Variants in EPS15 observed in about 807,000 individuals in gnomAD.
The protein encoded by EPS15 is epidermal growth factor receptor pathway substrate 15, also known as epidermal growth factor receptor substrate 15.
A neutral mutation model predicts 113.8 loss-of-function variants in EPS15; 72 were observed. That is an observed-to-expected ratio of 0.63 (90% confidence interval 0.52 to 0.77). The LOEUF (loss-of-function observed/expected upper bound fraction) is 0.77, where lower values mean the gene tolerates loss of function less well. Ranked by LOEUF, EPS15 falls within the 30% of genes least tolerant of loss-of-function variation. The pLI is 0.00. For missense variants in EPS15, 1,048 were observed against 1,045.8 expected, an observed-to-expected ratio of 1.00 and a Z score of -0.03; for synonymous variants, 344 against 363.4, an observed-to-expected ratio of 0.95 and a Z score of 0.61.
rs115809050 is a variant in EPS15, at chr1:51,444,990, C to T, written c.853G>A (p.Ala285Thr). ...GKLSKDQFAL[A>T]FHLISQKLIK... ...AACTTCTGACTGATTAAGTGAAAAGCCAAGGCAAACTGATCCTTTGAAAGC... is the reference window on the plus strand; with the variant it reads ...AACTTCTGACTGATTAAGTGAAAAGTCAAGGCAAACTGATCCTTTGAAAGC... The change falls in exon 11 of 25, where the codon GCT becomes ACT. Residue 285 changes from alanine to threonine, a missense_variant. By Grantham distance (58) the Ala-to-Thr change is moderately conservative. Coordinates refer to ENST00000371733, the MANE Select transcript of EPS15 (RefSeq NM_001981.3). 3.6e-4 allele frequency: 582 copies of T among 1,613,920 alleles called. 1 individual carries two copies. The highest frequency in any genetic ancestry group is 3.0e-4 in the Non-Finnish European group (351 of 1,179,874).
At position 51,429,116 on chromosome 1, in the gene EPS15, C is replaced by G. The variant is rs1341241; in HGVS notation, c.1041-7258G>C. On this transcript the variant is annotated intron_variant, in intron 12 of 24. Transcript: ENST00000371733. ...GTTGCCCTGACCTCAAGCAATCCTCCCATCTTGGCTTCCATATTCCTGGGA... is the reference window on the plus strand; with the variant it reads ...GTTGCCCTGACCTCAAGCAATCCTCGCATCTTGGCTTCCATATTCCTGGGA... Among the ~76,000 whole-genome samples the G allele has an allele frequency of 1.1e-3, 165 of 152,230 alleles. 1 individual carries two copies. In the South Asian group the frequency reaches 0.033, roughly 30 times the overall value.
At chr1:51,369,130 A>T (rs1168935241) in intron 21 of EPS15, among the ~76,000 whole-genome samples, 1 of 152,212 alleles carries the variant, frequency 6.6e-6, no homozygotes, top group African/African-American at 2.4e-5. Flanking sequence ...TTGTGAACAA[A>T]ATTAATTTTA....
chr1:51,369,486 A>C (rs543531435), intron 21 of EPS15, among the ~76,000 whole-genome samples: 1 of 152,362 alleles, frequency 6.6e-6, no homozygotes, highest in East Asian at 1.9e-4. Context: ...TTATGACCTC[A>C]TTAGTACCGC....
chr1:51,510,294 T>C (rs184645968), intron 1 of EPS15, among the ~76,000 whole-genome samples: 1 of 152,188 alleles, frequency 6.6e-6, no homozygotes, highest in Non-Finnish European at 1.5e-5. Context: ...AAAATTTGAC[T>C]GAAATATCAT....
intron 21 of EPS15, among the ~76,000 whole-genome samples, chr1:51,384,230 T>A (rs1171177403): frequency 6.6e-6 from 1 of 151,700 alleles, no homozygotes; most frequent in African/African-American, 2.4e-5. Flanking sequence ...GAAAAATTCA[T>A]CCTAAAATTC....
chr1:51,437,443 C>T (rs1652238528), intron 12 of EPS15, among the ~76,000 whole-genome samples: 1 of 151,054 alleles, frequency 6.6e-6, no homozygotes, highest in Admixed American at 6.6e-5. Flanking sequence ...AATTTCACAT[C>T]ATACATGCTG....
At chr1:51,403,187 GCCA>G (rs1648751682) in intron 17 of EPS15, among the ~76,000 whole-genome samples, 1 of 152,066 alleles carries the variant, frequency 6.6e-6, no homozygotes, top group Admixed American at 6.6e-5. Flanking sequence ...ACAGGCACTT[GCCA>G]CCACATCCAG....
intron 17 of EPS15, among the ~76,000 whole-genome samples, chr1:51,403,102 T>C (rs1243196880): frequency 2.0e-5 from 3 of 152,168 alleles, no homozygotes; most frequent in Non-Finnish European, 4.4e-5. Flanking sequence ...AGAGATTAGG[T>C]CCCTCTATGT....
intron 1 of EPS15, among the ~76,000 whole-genome samples, chr1:51,493,057 C>G (rs1007974400): frequency 1.2e-4 from 18 of 150,402 alleles, no homozygotes; most frequent in African/African-American, 4.2e-4. Flanking sequence ...GAAACCCCGT[C>G]TCTACTAAAA....
chr1:51,480,687 AT>A (rs1557510837), intron 2 of EPS15, among the ~76,000 whole-genome samples: 1 of 151,988 alleles, frequency 6.6e-6, no homozygotes, highest in Non-Finnish European at 1.5e-5. Flanking sequence ...CTAATTTTGT[AT>A]TTTAGTAGAG....
intron 21 of EPS15, among the ~76,000 whole-genome samples, chr1:51,378,415 A>AG: frequency 6.6e-6 from 1 of 152,198 alleles, no homozygotes; most frequent in East Asian, 1.9e-4. Flanking sequence ...CTAGCACTTT[A>AG]GGAGACTGAG....
chr1:51,470,864 T>C (rs1284161290), intron 4 of EPS15, among the ~76,000 whole-genome samples: 1 of 152,164 alleles, frequency 6.6e-6, no homozygotes, highest in African/African-American at 2.4e-5. Context: ...TGGCTCATCA[T>C]AGGTACTCAA....
At chr1:51,397,811 G>C (rs1570196092) in intron 20 of EPS15, among the ~76,000 whole-genome samples, 1 of 152,132 alleles carries the variant, frequency 6.6e-6, no homozygotes, top group East Asian at 1.9e-4. Flanking sequence ...AATAGTACTA[G>C]AAGACAAATT....
chr1:51,455,211 C>CT (rs1653895901), intron 8 of EPS15, among the ~76,000 whole-genome samples: 1 of 152,166 alleles, frequency 6.6e-6, no homozygotes, highest in African/African-American at 2.4e-5. Context: ...AGAGAATAAA[C>CT]TTTAACATAA....
intron 21 of EPS15, chr1:51,372,893 GA>G: frequency 2.2e-5 from 17 of 785,504 alleles, no homozygotes; most frequent in South Asian, 4.9e-5. Context: ...GAGCTACCTG[GA>G]AAAAACAGCC....
chr1:51,363,529 G>T (rs909578898), intron 23 of EPS15, among the ~76,000 whole-genome samples: 2 of 152,108 alleles, frequency 1.3e-5, no homozygotes, highest in Admixed American at 6.6e-5. Flanking sequence ...ACAGGAAACT[G>T]CTATTCAAAT....
In EPS15 at chr1:51,493,233, C is replaced by T. The variant is rs182811922; in HGVS notation, c.34-11919G>A. Reference sequence around the variant, plus strand: ...AAAATTAGCCAGACGTGGTGGTGGGCGCCTGTAGTCCCAGCTACTCGGGAG... The same window carrying T: ...AAAATTAGCCAGACGTGGTGGTGGGTGCCTGTAGTCCCAGCTACTCGGGAG... On this transcript the variant is annotated intron_variant, in intron 1 of 24. Coordinates refer to ENST00000371733, the MANE Select transcript of EPS15 (RefSeq NM_001981.3). Among the ~76,000 whole-genome samples, 921 of 152,156 alleles carry T rather than the reference C, an allele frequency of 6.1e-3. 11 individuals carry two copies. The highest frequency in any genetic ancestry group is 0.021 in the African/African-American group (881 of 41,524).
intron 21 of EPS15, among the ~76,000 whole-genome samples, chr1:51,375,299 C>T (rs1315726985): frequency 6.6e-6 from 1 of 152,198 alleles, no homozygotes; most frequent in East Asian, 1.9e-4. Context: ...CCGCGCCCGA[C>T]TATATTTAAT....
Position 51,451,047 on chromosome 1 carries a change from AAAG to A in EPS15, c.562-2915_562-2913del, listed in dbSNP as rs1392199757. Reference sequence around the variant, plus strand: ...CCTTGAATAATGCTAACCAGGAAAAAAAGAATCATGGAGCTCTCATAGTGAAAA... The same window carrying A: ...CCTTGAATAATGCTAACCAGGAAAAAAATCATGGAGCTCTCATAGTGAAAA... On this transcript the variant is annotated intron_variant, in intron 8 of 24. Coordinates refer to ENST00000371733, the MANE Select transcript of EPS15 (RefSeq NM_001981.3). Among the ~76,000 whole-genome samples the A allele has an allele frequency of 2.0e-5, 3 of 151,870 alleles. No homozygotes were observed. The East Asian group carries it at 5.8e-4, about 29-fold the overall frequency.
Sources: gnomAD v4.1 joint callset for allele counts (sites outside exome capture counted in the v4.1 genomes callset) on GRCh38, gnomAD v4.1.1 for gene constraint, MANE v1.5 for transcripts, NCBI Gene and HGNC (gene_info 2026-07-23, HGNC 2026-07-21) for gene names.